KLHL14: variants seen among roughly 807,000 people sequenced by gnomAD.
KLHL14 encodes kelch-like protein 14.
Under a neutral mutation model 64.3 loss-of-function variants are expected in KLHL14, and 22 were observed. That is an observed-to-expected ratio of 0.34 (90% CI 0.24 to 0.49). The LOEUF is 0.49. KLHL14 is among the 20% of genes least tolerant of loss of function. The pLI is 0.99. For missense variants in KLHL14, 661 were observed against 789.0 expected (o/e 0.84, Z 1.94); for synonymous variants, 322 against 333.4 (o/e 0.97, Z 0.37).
chr18:32,752,565 T>C (rs2050260385), intron 2 of KLHL14, among the ~76,000 whole-genome samples: 2 of 152,196 alleles, frequency 1.3e-5, no homozygotes, highest in Admixed American at 1.3e-4. Flanking sequence ...CTTTGTTCTT[T>C]AGGTCTAGTG....
rs74923343 is a variant in KLHL14, at chr18:32,768,103, C to T, written c.947+1542G>A. Among the ~76,000 whole-genome samples, 413 of 152,204 alleles carry T rather than the reference C, an allele frequency of 2.7e-3. 2 individuals are homozygous for T. The highest frequency in any genetic ancestry group is 3.8e-3 in the Non-Finnish European group (260 of 68,004). ...GAAAAATTCCAATAAAATAAAAATA[C>T]GTTTCATGTTTTTTTCCTCATTGGC... On this transcript the variant is annotated intron_variant, in intron 2 of 8. Coordinates refer to ENST00000359358, the MANE Select transcript of KLHL14 (RefSeq NM_020805.3).
intron 2 of KLHL14, among the ~76,000 whole-genome samples, chr18:32,766,599 C>T (rs929712806): frequency 3.9e-5 from 6 of 152,170 alleles, no homozygotes; most frequent in East Asian, 1.9e-4. Context: ...TTATTCTTCC[C>T]GTCTAACTGA....
intron 3 of KLHL14, among the ~76,000 whole-genome samples, chr18:32,699,905 G>C (rs1337655865): frequency 2.6e-5 from 4 of 151,814 alleles, no homozygotes; most frequent in Non-Finnish European, 4.4e-5. Context: ...GCCAGTTAAG[G>C]GTGGGTAGAA....
intron 3 of KLHL14, among the ~76,000 whole-genome samples, chr18:32,729,326 G>C (rs2050124129): frequency 6.6e-6 from 1 of 152,108 alleles, no homozygotes; most frequent in South Asian, 2.1e-4. Flanking sequence ...CTTGCCACAG[G>C]GGGTTACTTA....
chr18:32,716,457 C>T (rs2050046194), intron 3 of KLHL14, among the ~76,000 whole-genome samples: 1 of 151,526 alleles, frequency 6.6e-6, no homozygotes, highest in African/African-American at 2.4e-5. Context: ...TCTTGTCGCC[C>T]AGGCTGGAGT....
intron 2 of KLHL14, among the ~76,000 whole-genome samples, chr18:32,761,273 G>GA (rs762056891): frequency 1.7e-4 from 26 of 152,018 alleles, no homozygotes; most frequent in Non-Finnish European, 2.8e-4. Flanking sequence ...CAGTTCAACT[G>GA]AAAAACATGC....
chr18:32,771,132 C>CT (rs1199136489), intron 1 of KLHL14: 7 of 200,510 alleles, frequency 3.5e-5, no homozygotes. Context: ...CGAAGCTTTG[C>CT]TTTTCGCAGT....
At chr18:32,717,088 C>T (rs2050050023) in intron 3 of KLHL14, among the ~76,000 whole-genome samples, 1 of 152,174 alleles carries the variant, frequency 6.6e-6, no homozygotes, top group East Asian at 1.9e-4. Context: ...TCTGGTCAAC[C>T]TGGTTGTACC....
chr18:32,742,636 TC>T (rs1362799868), intron 2 of KLHL14, among the ~76,000 whole-genome samples: 1 of 151,846 alleles, frequency 6.6e-6, no homozygotes, highest in Non-Finnish European at 1.5e-5. Flanking sequence ...TTCTTCCCCT[TC>T]CCCCACTCCC....
At chr18:32,756,055 C>T (rs1194602720) in intron 2 of KLHL14, among the ~76,000 whole-genome samples, 2 of 152,154 alleles carry the variant, frequency 1.3e-5, no homozygotes, top group African/African-American at 4.8e-5. Flanking sequence ...ACTGTGTTCC[C>T]TCCAAATTCA....
At chr18:32,697,210 A>G (rs1352009840) in intron 3 of KLHL14, among the ~76,000 whole-genome samples, 1 of 152,248 alleles carries the variant, frequency 6.6e-6, no homozygotes, top group African/African-American at 2.4e-5. Flanking sequence ...GGCAGAGTAC[A>G]CGTGAGGCTC....
chr18:32,735,394 T>A (rs1479421866), intron 3 of KLHL14, among the ~76,000 whole-genome samples: 1 of 152,064 alleles, frequency 6.6e-6, no homozygotes, highest in Non-Finnish European at 1.5e-5. Context: ...AATGAAAAAA[T>A]TGTGAGCCTG....
intron 3 of KLHL14, among the ~76,000 whole-genome samples, chr18:32,706,565 G>A (rs1194633301): frequency 2.0e-5 from 3 of 152,134 alleles, no homozygotes; most frequent in Non-Finnish European, 1.5e-5. Flanking sequence ...TATAGGCTGA[G>A]ACCCTGGTGC....
intron 3 of KLHL14, among the ~76,000 whole-genome samples, chr18:32,736,929 C>A (rs563278133): frequency 6.6e-6 from 1 of 152,120 alleles, no homozygotes; most frequent in South Asian, 2.1e-4. Context: ...TCTTAGCACC[C>A]TGTATTATAA....
chr18:32,720,353 T>G lies in KLHL14; in HGVS notation c.1069+21575A>C, dbSNP rs369159454. The stretch of plus-strand genomic sequence containing the variant: ...CATAGTGACAGCGCTTATGGTCAGT[T>G]GAGGAAGGGGTTGGAGGAGAAAGAG... On this transcript the variant is annotated intron_variant, in intron 3 of 8. Transcript: ENST00000359358. Among the ~76,000 whole-genome samples the G allele has an allele frequency of 1.6e-4, 24 of 152,198 alleles. No individual in the cohort carries two copies. The East Asian group carries it at 3.5e-3, about 22-fold the overall frequency.
chr18:32,711,145 G>A (rs1418134442), intron 3 of KLHL14, among the ~76,000 whole-genome samples: 2 of 151,988 alleles, frequency 1.3e-5, no homozygotes, highest in Non-Finnish European at 2.9e-5. Flanking sequence ...CAAAAGAAAG[G>A]TCTTTAAGGA....
At chr18:32,708,114 A>G (rs1478447728) in intron 3 of KLHL14, among the ~76,000 whole-genome samples, 1 of 152,180 alleles carries the variant, frequency 6.6e-6, no homozygotes, top group Non-Finnish European at 1.5e-5. Context: ...TCATATGTGA[A>G]GCTCATTCAA....
intron 4 of KLHL14, among the ~76,000 whole-genome samples, chr18:32,695,238 C>T (rs1311053810): frequency 2.0e-5 from 3 of 152,088 alleles, no homozygotes; most frequent in Non-Finnish European, 4.4e-5. Context: ...CACTGTGAAG[C>T]CAAATCCCCA....
chr18:32,731,946 C>T lies in KLHL14; in HGVS notation c.1069+9982G>A, dbSNP rs191237322. On this transcript the variant is annotated intron_variant, in intron 3 of 8. Transcript: ENST00000359358. ...TTTAATATAAATGGTTTTGGCTGAG[C>T]GCGGTGGCTTACACCTGTAATCCCA... Among the ~76,000 whole-genome samples, 438 of 152,160 alleles carry T rather than the reference C, an allele frequency of 2.9e-3. 1 individual carries two copies. Among genetic ancestry groups the T allele is most frequent in the South Asian group, 0.017 (82 of 4,820 alleles).
Sources: allele counts gnomAD v4.1 joint callset (sites outside exome capture counted in the v4.1 genomes callset), GRCh38; gene constraint gnomAD v4.1.1; transcripts MANE v1.5; gene names NCBI Gene and HGNC (gene_info 2026-07-23, HGNC 2026-07-21).